The following FHIP1A variants were observed in gnomAD, a reference collection of about 807,000 sequenced individuals.
FHIP1A encodes the protein FHF complex subunit HOOK-interacting protein 1A.
Under a neutral mutation model 88.6 loss-of-function variants are expected in FHIP1A, and 61 were observed. That is an observed-to-expected ratio of 0.69 (90% CI 0.56 to 0.85). The LOEUF is 0.85. Ranked by LOEUF, FHIP1A falls within the 40% of genes least tolerant of loss-of-function variation. The pLI is 0.00. For missense variants in FHIP1A, 1,154 were observed against 1,273.5 expected (o/e 0.91, Z 1.43); for synonymous variants, 478 against 496.0 (o/e 0.96, Z 0.48).
At chr4:151,639,438 G>A (rs542215450) in intron 9 of FHIP1A, among the ~76,000 whole-genome samples, 1 of 152,328 alleles carries the variant, frequency 6.6e-6, no homozygotes, top group African/African-American at 2.4e-5. Flanking sequence ...CCTTGGCCCA[G>A]CAATCCCTCT....
At chr4:151,476,411 A>C (rs1204359658) in intron 2 of FHIP1A, among the ~76,000 whole-genome samples, 2 of 152,060 alleles carry the variant, frequency 1.3e-5, no homozygotes, top group African/African-American at 2.4e-5. Flanking sequence ...ATCCTCCAGA[A>C]GTGCTGGGAT....
intron 11 of FHIP1A, among the ~76,000 whole-genome samples, chr4:151,651,112 G>T (rs1020897183): frequency 6.6e-6 from 1 of 152,162 alleles, no homozygotes; most frequent in Admixed American, 6.5e-5. Context: ...GGGGTTAGCT[G>T]TGCCTTTGCC....
chr4:151,638,802 C>T, intron 9 of FHIP1A, 46 bp downstream of exon 9: 1 of 940,482 alleles, frequency 1.1e-6, no homozygotes, highest in Non-Finnish European at 1.6e-6. Context: ...TCACTTTATA[C>T]TTTATATTAC....
At chr4:151,472,244 A>G (rs542039434) in intron 2 of FHIP1A, among the ~76,000 whole-genome samples, 1 of 152,306 alleles carries the variant, frequency 6.6e-6, no homozygotes, top group Admixed American at 6.5e-5. Context: ...GCTTTGCCCT[A>G]ATAACTTAAA....
At chr4:151,562,996 A>G (rs528677499) in intron 3 of FHIP1A, among the ~76,000 whole-genome samples, 5 of 152,306 alleles carry the variant, frequency 3.3e-5, no homozygotes, top group African/African-American at 1.2e-4. Flanking sequence ...TCAAATAAAT[A>G]TATTTTTGAA....
chr4:151,431,860 G>C (rs1369345243), intron 1 of FHIP1A, among the ~76,000 whole-genome samples: 14 of 152,180 alleles, frequency 9.2e-5, no homozygotes, highest in Admixed American at 9.2e-4. Context: ...TGGCTGCTTT[G>C]TATGGCAGGT....
intron 1 of FHIP1A, among the ~76,000 whole-genome samples, chr4:151,427,304 TTG>T (rs1262129804): frequency 1.3e-5 from 2 of 152,166 alleles, no homozygotes; most frequent in Admixed American, 6.5e-5. Flanking sequence ...TATATTGAGT[TTG>T]TTTCTTTCCA....
chr4:151,433,038 G>C (rs746639847), intron 1 of FHIP1A, among the ~76,000 whole-genome samples: 7 of 152,108 alleles, frequency 4.6e-5, no homozygotes, highest in South Asian at 2.1e-4. Flanking sequence ...AGCTTATTTT[G>C]GGAGTAGTTA....
rs1734324883 is a variant in FHIP1A, at chr4:151,588,994, A to G, written c.978+68A>G. On this transcript the variant is annotated intron_variant, in intron 7 of 13. Transcript: ENST00000435205. ...GTGATGGACACTGAGGAGGGTAAAC[A>G]CAGTGTAATTGATTTGATGGTGATT... The G allele has an allele frequency of 3.9e-6, 4 of 1,024,346 alleles. No homozygotes were observed. The Admixed American group carries it at 8.9e-5, about 23-fold the overall frequency. The allele number at this position is 1,024,346 out of a possible 1,614,324, so 63.5% of individuals were successfully genotyped here.
chr4:151,424,376 AGGT>A (rs1166808322), intron 1 of FHIP1A, among the ~76,000 whole-genome samples: 1 of 152,104 alleles, frequency 6.6e-6, no homozygotes, highest in African/African-American at 2.4e-5. Context: ...CAAGAGCAGG[AGGT>A]GGTGTTTACT....
chr4:151,604,837 A>G (rs972393141), intron 7 of FHIP1A, among the ~76,000 whole-genome samples: 2 of 151,504 alleles, frequency 1.3e-5, no homozygotes, highest in African/African-American at 4.9e-5. Flanking sequence ...TGACAGAGTG[A>G]GACTCCATCT....
At chr4:151,633,028 G>A (rs973030481) in intron 8 of FHIP1A, among the ~76,000 whole-genome samples, 12 of 151,802 alleles carry the variant, frequency 7.9e-5, no homozygotes, top group African/African-American at 2.7e-4. Flanking sequence ...CCAAGACTTG[G>A]TTTTTTAAAA....
At chr4:151,513,383 A>C (rs1435771954) in intron 3 of FHIP1A, among the ~76,000 whole-genome samples, 1 of 152,238 alleles carries the variant, frequency 6.6e-6, no homozygotes, top group Non-Finnish European at 1.5e-5. Context: ...GCTAGGAAGA[A>C]ACTGCATCAA....
chr4:151,665,625 T>A lies in FHIP1A; in HGVS notation c.*2871T>A, dbSNP rs1272058636. 1.3e-5 allele frequency among the ~76,000 whole-genome samples: 2 copies of A among 152,160 alleles called. No individual in the cohort carries two copies. Among genetic ancestry groups the A allele is most frequent in the African/African-American group, 4.8e-5 (2 of 41,426 alleles). On this transcript the variant is annotated 3_prime_UTR_variant, in exon 14 of 14. Coordinates refer to ENST00000435205, the MANE Select transcript of FHIP1A (RefSeq NM_001109977.3). Reference sequence around the variant, plus strand: ...CTATCCACGGGAGAAGAGCAAATCCTGCACGATTCGGGGGAGTGAACATTG... The same window carrying A: ...CTATCCACGGGAGAAGAGCAAATCCAGCACGATTCGGGGGAGTGAACATTG...
rs899704750 is a variant in FHIP1A, at chr4:151,667,510, A to G, written c.*4756A>G. Among the ~76,000 whole-genome samples the G allele has an allele frequency of 6.6e-6, 1 of 152,190 alleles. No homozygotes were observed. Among genetic ancestry groups the G allele is most frequent in the Admixed American group, 6.5e-5 (1 of 15,280 alleles). On this transcript the variant is annotated 3_prime_UTR_variant, in exon 14 of 14. Coordinates refer to ENST00000435205, the MANE Select transcript of FHIP1A (RefSeq NM_001109977.3). ...AAATCCTCTCTACATTCAGGCATTT[A>G]TTAGGCCATTACTTGTTTTGGGACT...
intron 7 of FHIP1A, among the ~76,000 whole-genome samples, chr4:151,591,613 C>T (rs1372039077): frequency 6.6e-6 from 1 of 152,146 alleles, no homozygotes; most frequent in Non-Finnish European, 1.5e-5. Context: ...GGCCCCTGGC[C>T]CCCTGACAGG....
chr4:151,486,370 A>G (rs1730083213), intron 3 of FHIP1A, among the ~76,000 whole-genome samples: 1 of 152,158 alleles, frequency 6.6e-6, no homozygotes, highest in Admixed American at 6.5e-5. Flanking sequence ...TCATCTGGTA[A>G]GCTTATTTTA....
At position 151,557,822 on chromosome 4, in the gene FHIP1A, A is replaced by G. The variant is rs187531430; in HGVS notation, c.-122-8316A>G. ...ATTAGATCCTCCTTTACCCTTTGCT[A>G]ATTGAAGGTGACACGAGGCTTTTTC... is the stretch of plus-strand genomic sequence containing the variant. On this transcript the variant is annotated intron_variant, in intron 3 of 13. Coordinates refer to ENST00000435205, the MANE Select transcript of FHIP1A (RefSeq NM_001109977.3). Among the ~76,000 whole-genome samples, 12 of 152,296 alleles carry G rather than the reference A, an allele frequency of 7.9e-5. No individual in the cohort carries two copies. In the East Asian group the frequency reaches 2.3e-3, roughly 29 times the overall value.
chr4:151,528,115 A>G (rs1325200345), intron 3 of FHIP1A, among the ~76,000 whole-genome samples: 6 of 152,224 alleles, frequency 3.9e-5, no homozygotes, highest in Non-Finnish European at 7.3e-5. Flanking sequence ...TACTTTGTCA[A>G]TACAGCAGCT....
Sources: gnomAD v4.1 joint callset for allele counts (sites outside exome capture counted in the v4.1 genomes callset) on GRCh38, gnomAD v4.1.1 for gene constraint, MANE v1.5 for transcripts, NCBI Gene and HGNC (gene_info 2026-07-23, HGNC 2026-07-21) for gene names.